Variants in DLG2 observed in about 807,000 individuals in gnomAD.
DLG2 encodes the protein discs large MAGUK scaffold protein 2, also known as disks large homolog 2.
A neutral mutation model predicts 132.5 loss-of-function variants in DLG2; 45 were observed. The observed-to-expected ratio is 0.34, with a 90% CI of 0.27 to 0.44. The LOEUF (loss-of-function observed/expected upper bound fraction) is 0.44, where lower values mean the gene tolerates loss of function less well. DLG2 is among the 20% of genes least tolerant of loss of function. DLG2 has a pLI of 1.00. For synonymous variants in DLG2, 424 were observed against 419.6 expected (o/e 1.01, Z -0.13); for missense variants, 1,045 against 1,196.9 (o/e 0.87, Z 1.87).
intron 10 of DLG2, among the ~76,000 whole-genome samples, chr11:84,062,485 G>C (rs922406605): frequency 6.6e-6 from 1 of 152,126 alleles, no homozygotes; most frequent in Admixed American, 6.6e-5. Flanking sequence ...TCAAGTATTT[G>C]TTCAAATGTG....
chr11:84,758,891 A>T (rs1366578134), intron 6 of DLG2, among the ~76,000 whole-genome samples: 2 of 152,190 alleles, frequency 1.3e-5, no homozygotes, highest in Non-Finnish European at 2.9e-5. Flanking sequence ...TTATTTATTT[A>T]TTTTGAGACA....
chr11:84,850,522 T>C (rs2082049101), intron 6 of DLG2, among the ~76,000 whole-genome samples: 1 of 152,164 alleles, frequency 6.6e-6, no homozygotes, highest in Admixed American at 6.6e-5. Flanking sequence ...TTACCACTTG[T>C]ATCCAACAAT....
intron 6 of DLG2, among the ~76,000 whole-genome samples, chr11:84,791,753 A>G (rs1219413677): frequency 6.6e-6 from 1 of 152,210 alleles, no homozygotes; most frequent in Non-Finnish European, 1.5e-5. Context: ...GTTGCCATAT[A>G]GAAATGCTAC....
At chr11:85,366,444 G>A (rs2084559122) in intron 3 of DLG2, among the ~76,000 whole-genome samples, 2 of 152,028 alleles carry the variant, frequency 1.3e-5, no homozygotes, top group Admixed American at 6.6e-5. Flanking sequence ...TCATTAATTT[G>A]TATGGGCATT....
Position 85,383,922 on chromosome 11 carries a change from C to T in DLG2, c.41-98557G>A, listed in dbSNP as rs116189109. ...AATGTGCTCCACCTATTTGGAGTGC[C>T]CTTCTCCCCTACAGAAATATCTGAA... On this transcript the variant is annotated intron_variant, in intron 3 of 27. Transcript: ENST00000376104. 4.4e-3 allele frequency among the ~76,000 whole-genome samples: 672 copies of T among 152,208 alleles called. 9 individuals are homozygous for T. Among genetic ancestry groups the T allele is most frequent in the African/African-American group, 0.016 (651 of 41,548 alleles).
intron 7 of DLG2, among the ~76,000 whole-genome samples, chr11:84,321,611 C>T (rs565596060): frequency 7.9e-5 from 12 of 152,262 alleles, no homozygotes; most frequent in Admixed American, 6.5e-4. Context: ...CTTTTCCCCA[C>T]TTCATACTTT....
At chr11:83,636,926 G>A (rs1007043642) in intron 18 of DLG2, among the ~76,000 whole-genome samples, 14 of 152,146 alleles carry the variant, frequency 9.2e-5, no homozygotes, top group Non-Finnish European at 1.8e-4. Context: ...TGTGTCAGAG[G>A]TGCTTATCTG....
chr11:85,500,299 C>A (rs546226809), intron 3 of DLG2, among the ~76,000 whole-genome samples: 2 of 140,220 alleles, frequency 1.4e-5, no homozygotes, highest in Non-Finnish European at 3.0e-5. Context: ...GAACAAAAAA[C>A]CAAACACCGC....
At chr11:84,293,482 T>C (rs1468063593) in intron 7 of DLG2, among the ~76,000 whole-genome samples, 2 of 152,124 alleles carry the variant, frequency 1.3e-5, no homozygotes, top group African/African-American at 4.8e-5. Flanking sequence ...AAGACCAGCC[T>C]AGCCAACATG....
intron 6 of DLG2, among the ~76,000 whole-genome samples, chr11:84,714,549 T>TTCTCTC (rs372265200): frequency 8.1e-4 from 48 of 59,134 alleles, no homozygotes; most frequent in Non-Finnish European, 1.1e-3. Flanking sequence ...CTCTTTCTCT[T>TTCTCTC]TCTCTCTCTT....
intron 8 of DLG2, among the ~76,000 whole-genome samples, chr11:84,173,491 G>A (rs1490861271): frequency 6.6e-6 from 1 of 152,136 alleles, no homozygotes; most frequent in African/African-American, 2.4e-5. Flanking sequence ...GTGTCCAAAA[G>A]TATCAAGAAC....
At chr11:83,837,747 A>AAAAAAAAAAAAAAAAAAAT (rs2056612605) in intron 16 of DLG2, among the ~76,000 whole-genome samples, 1 of 147,102 alleles carries the variant, frequency 6.8e-6, no homozygotes, top group African/African-American at 2.5e-5. Context: ...AAAAAAAAAA[A>AAAAAAAAAAAAAAAAAAAT]GAAAAGAAAG....
chr11:83,725,971 T>A (rs192201433), intron 18 of DLG2, among the ~76,000 whole-genome samples: 4 of 152,182 alleles, frequency 2.6e-5, no homozygotes, highest in Non-Finnish European at 4.4e-5. Flanking sequence ...CACTCATTTT[T>A]CCCTGTTATT....
intron 7 of DLG2, among the ~76,000 whole-genome samples, chr11:84,314,975 A>G (rs1047496689): frequency 2.0e-5 from 3 of 152,150 alleles, no homozygotes; most frequent in African/African-American, 7.2e-5. Context: ...GAAAATCCTA[A>G]AAGATATGGT....
intron 9 of DLG2, among the ~76,000 whole-genome samples, chr11:84,120,808 T>G (rs896881114): frequency 1.3e-5 from 2 of 152,216 alleles, no homozygotes; most frequent in Non-Finnish European, 2.9e-5. Flanking sequence ...TGACAATGTT[T>G]AATTTTTGAG....
intron 3 of DLG2, among the ~76,000 whole-genome samples, chr11:85,510,308 G>A (rs2094030922): frequency 1.3e-5 from 2 of 152,114 alleles, no homozygotes; most frequent in Admixed American, 6.6e-5. Flanking sequence ...CCTTAGGCAT[G>A]GGCAAGGACT....
intron 3 of DLG2, among the ~76,000 whole-genome samples, chr11:85,541,177 A>G (rs1201497502): frequency 2.0e-5 from 3 of 152,234 alleles, no homozygotes; most frequent in Non-Finnish European, 4.4e-5. Flanking sequence ...TTACCCTGTG[A>G]ATGATGGAAA....
chr11:84,060,140 C>T (rs558944075), intron 10 of DLG2, among the ~76,000 whole-genome samples: 1 of 151,942 alleles, frequency 6.6e-6, no homozygotes, highest in African/African-American at 2.4e-5. Context: ...TGGTGAAACC[C>T]CGTCTCTACC....
At chr11:85,382,820 A>C (rs967743602) in intron 3 of DLG2, among the ~76,000 whole-genome samples, 3 of 152,164 alleles carry the variant, frequency 2.0e-5, no homozygotes, top group African/African-American at 7.2e-5. Flanking sequence ...TTGTGGCTAC[A>C]ATAAAAATGA....
Sources: allele counts gnomAD v4.1 joint callset (sites outside exome capture counted in the v4.1 genomes callset), GRCh38; gene constraint gnomAD v4.1.1; transcripts MANE v1.5; gene names NCBI Gene and HGNC (gene_info 2026-07-23, HGNC 2026-07-21).